Variants in DENND2B observed in about 807,000 individuals in gnomAD.
DENND2B encodes the protein DENN domain-containing protein 2B.
In DENND2B, 32 loss-of-function variants were observed where a neutral mutation model predicts 116.0. The ratio of observed to expected loss-of-function variants is 0.28; its 90% CI spans 0.21 to 0.37. The LOEUF (loss-of-function observed/expected upper bound fraction) is 0.37. Among genes scored for constraint, DENND2B ranks in the 10% least tolerant of loss-of-function variants. DENND2B has a pLI of 1.00. For synonymous variants in DENND2B, 588 were observed against 583.9 expected (o/e 1.01, Z -0.10); for missense variants, 1,276 against 1,477.7 (o/e 0.86, Z 2.24).
At chr11:8,838,428 C>T (rs1259292362) in intron 4 of DENND2B, among the ~76,000 whole-genome samples, 1 of 152,250 alleles carries the variant, frequency 6.6e-6, no homozygotes, top group Non-Finnish European at 1.5e-5. Context: ...GACCACAACA[C>T]CTCCGTTATA....
At chr11:8,841,858 A>T (rs968205372) in intron 3 of DENND2B, among the ~76,000 whole-genome samples, 22 of 152,118 alleles carry the variant, frequency 1.4e-4, no homozygotes, top group Non-Finnish European at 1.5e-4. Context: ...CCTCTATTCT[A>T]ACCATCATTC....
intron 1 of DENND2B, among the ~76,000 whole-genome samples, chr11:8,908,600 A>G (rs1394067216): frequency 1.3e-5 from 2 of 152,080 alleles, no homozygotes; most frequent in Non-Finnish European, 2.9e-5. Context: ...TTATTGTAAA[A>G]GCAGTTAACG....
chr11:8,846,375 G>A (rs1020081558), intron 3 of DENND2B, among the ~76,000 whole-genome samples: 5 of 152,150 alleles, frequency 3.3e-5, no homozygotes, highest in East Asian at 3.8e-4. Context: ...AGGTCAGGGC[G>A]CTATCTATCC....
chr11:8,708,531 T>G lies in DENND2B; in HGVS notation c.2353-677A>C, dbSNP rs2043013152. On this transcript the variant is annotated intron_variant, in intron 11 of 19. Transcript: ENST00000313726. ...TATCTAGAAGCTGTGGAGCCAGGAG[T>G]TTGCTTTGGCCCTGTTTGGCTGTCT... Among the ~76,000 whole-genome samples the G allele has an allele frequency of 2.6e-5, 4 of 151,838 alleles. No homozygotes were observed. In the South Asian group the frequency reaches 8.3e-4, roughly 32 times the overall value.
intron 1 of DENND2B, among the ~76,000 whole-genome samples, chr11:8,889,879 G>C (rs569514632): frequency 6.6e-6 from 1 of 152,234 alleles, no homozygotes; most frequent in Non-Finnish European, 1.5e-5. Flanking sequence ...CTGTCTGGCA[G>C]CTTTGAAGAG....
upstream of DENND2B, chr11:8,811,038 A>G (rs567256323): frequency 5.5e-6 from 2 of 361,692 alleles, no homozygotes; most frequent in East Asian, 4.0e-5. Flanking sequence ...CTCATTTTTT[A>G]TAACTTGGAA....
intron 1 of DENND2B, among the ~76,000 whole-genome samples, chr11:8,798,621 T>C (rs183069777): frequency 1.3e-5 from 2 of 152,006 alleles, no homozygotes; most frequent in East Asian, 3.9e-4. Context: ...GTTTTTCAGA[T>C]GAAAAGAAGT....
chr11:8,807,553 C>T (rs1331393262), intron 1 of DENND2B, among the ~76,000 whole-genome samples: 1 of 152,116 alleles, frequency 6.6e-6, no homozygotes, highest in Non-Finnish European at 1.5e-5. Context: ...TTTCATCTTC[C>T]CGGGGTGACT....
intron 2 of DENND2B, among the ~76,000 whole-genome samples, chr11:8,749,383 T>C (rs1194252444): frequency 1.3e-5 from 2 of 152,240 alleles, no homozygotes; most frequent in Non-Finnish European, 2.9e-5. Context: ...GGGGTGTTCC[T>C]ATCAGTCTTG....
intron 1 of DENND2B, chr11:8,810,067 T>TC (rs11404893): frequency 0.26 from 32,669 of 123,338 alleles, 4,191 homozygotes; most frequent in Middle Eastern, 0.46. Flanking sequence ...TTTTTTTTTT[T>TC]CCATTACAGG....
chr11:8,714,351 T>C (rs961474600), intron 7 of DENND2B, among the ~76,000 whole-genome samples: 2 of 152,246 alleles, frequency 1.3e-5, no homozygotes, highest in African/African-American at 4.8e-5. Context: ...AGATTTGAAA[T>C]GGGAAACAGA....
intron 1 of DENND2B, among the ~76,000 whole-genome samples, chr11:8,903,323 G>T (rs1016990916): frequency 6.6e-6 from 1 of 151,862 alleles, no homozygotes; most frequent in Non-Finnish European, 1.5e-5. Context: ...TTAGGCAGAA[G>T]AATCAATCAC....
intron 19 of DENND2B, 130 bp downstream of exon 19, chr11:8,695,333 C>T: frequency 1.2e-6 from 1 of 860,238 alleles, no homozygotes. Flanking sequence ...TATGGGATGT[C>T]TACATCCTGT....
At position 8,718,737 on chromosome 11, in the gene DENND2B, C is replaced by T. The variant is rs892288647; in HGVS notation, c.1478-845G>A. The T allele has an allele frequency of 2.7e-5, 30 of 1,092,106 alleles. No homozygotes were observed. In the East Asian group the frequency reaches 4.0e-4, roughly 15 times the overall value. 67.7% of individuals were successfully genotyped at this position (1,092,106 alleles called of 1,614,324 possible). The stretch of plus-strand genomic sequence containing the variant: ...GGACTAGTTCTAAAATCTCTGGCAG[C>T]GGGCATTGTATTGGCATTACCAGAA... On this transcript the variant is annotated intron_variant, in intron 4 of 19. Transcript: ENST00000313726.
At chr11:8,775,228 C>A (rs141596066) in intron 1 of DENND2B, among the ~76,000 whole-genome samples, 2 of 152,188 alleles carry the variant, frequency 1.3e-5, no homozygotes, top group African/African-American at 2.4e-5. Flanking sequence ...AGGAAAGAAT[C>A]AGGTGAAGAA....
rs35421038 is a variant in DENND2B, at chr11:8,764,942, CAAAAAA to C, written c.-25-14223_-25-14218del. Among the ~76,000 whole-genome samples, 17 of 100,298 alleles carry C rather than the reference CAAAAAA, an allele frequency of 1.7e-4. No individual in the cohort carries two copies. The East Asian group carries it at 2.7e-3, about 16-fold the overall frequency. The allele number at this position is 100,298 out of a possible 152,430, so 65.8% of individuals were successfully genotyped here. On this transcript the variant is annotated intron_variant, in intron 1 of 19. Transcript: ENST00000313726. Reference sequence around the variant, plus strand: ...CCTGGGTGACAGAGTGAGACTGTCTCAAAAAAAAAAAAAAAAAAAAAAAGAATTAGA... The same window carrying C: ...CCTGGGTGACAGAGTGAGACTGTCTCAAAAAAAAAAAAAAAAAGAATTAGA...
chr11:8,870,887 TG>T (rs955836305), intron 2 of DENND2B: 3 of 151,934 alleles, frequency 2.0e-5, no homozygotes, highest in Admixed American at 6.6e-5. Flanking sequence ...GGAAAAGGGC[TG>T]GGAGGGCAGG....
At chr11:8,736,211 T>C (rs2049000609) in intron 2 of DENND2B, among the ~76,000 whole-genome samples, 1 of 152,100 alleles carries the variant, frequency 6.6e-6, no homozygotes, top group South Asian at 2.1e-4. Flanking sequence ...TTCAACCAGA[T>C]ATATTGAGCA....
intron 1 of DENND2B, among the ~76,000 whole-genome samples, chr11:8,898,324 C>G (rs1447720483): frequency 6.6e-6 from 1 of 151,852 alleles, no homozygotes; most frequent in Admixed American, 6.6e-5. Context: ...CGCAGAAATT[C>G]AAGTCCAGCC....
Sources: gnomAD v4.1 joint callset for allele counts (sites outside exome capture counted in the v4.1 genomes callset) on GRCh38, gnomAD v4.1.1 for gene constraint, MANE v1.5 for transcripts, NCBI Gene and HGNC (gene_info 2026-07-23, HGNC 2026-07-21) for gene names.